Variants in NAALADL2 observed in about 807,000 individuals in gnomAD.
NAALADL2 encodes the protein inactive N-acetylated-alpha-linked acidic dipeptidase-like protein 2.
NAALADL2 carries 76 observed loss-of-function variants against 87.2 expected under a neutral mutation model. The ratio of observed to expected loss-of-function variants is 0.87; its 90% CI spans 0.72 to 1.05. The LOEUF is 1.05. Ranked by LOEUF, NAALADL2 falls within the 50% of genes least tolerant of loss-of-function variation. The pLI is 0.00. For missense variants in NAALADL2, 1,089 were observed against 945.8 expected, an observed-to-expected ratio of 1.15 and a Z score of -1.99; for synonymous variants, 354 against 331.0, an observed-to-expected ratio of 1.07 and a Z score of -0.75.
At chr3:175,151,576 T>TG (rs1731546379) in intron 2 of NAALADL2, among the ~76,000 whole-genome samples, 1 of 151,952 alleles carries the variant, frequency 6.6e-6, no homozygotes, top group African/African-American at 2.4e-5. Flanking sequence ...AGACTCTCTG[T>TG]GGGCCAGGAG....
At chr3:174,464,047 G>A (rs1223174050) in intron 1 of NAALADL2, among the ~76,000 whole-genome samples, 1 of 152,118 alleles carries the variant, frequency 6.6e-6, no homozygotes, top group Non-Finnish European at 1.5e-5. Context: ...AACTTAGGAA[G>A]CTGATAAACA....
chr3:174,668,980 C>A (rs1371089047), intron 2 of NAALADL2, among the ~76,000 whole-genome samples: 3 of 152,164 alleles, frequency 2.0e-5, no homozygotes, highest in Non-Finnish European at 4.4e-5. Context: ...TTCTAGATCC[C>A]TGAGGAATTG....
At chr3:175,392,152 C>T (rs1363462232) in intron 5 of NAALADL2, among the ~76,000 whole-genome samples, 7 of 152,206 alleles carry the variant, frequency 4.6e-5, no homozygotes, top group Admixed American at 2.6e-4. Flanking sequence ...TTCTGCTTCT[C>T]TGTGAATTGA....
chr3:174,781,720 A>G (rs1473627976), intron 3 of NAALADL2, among the ~76,000 whole-genome samples: 1 of 152,012 alleles, frequency 6.6e-6, no homozygotes, highest in African/African-American at 2.4e-5. Flanking sequence ...AGTTGATGAT[A>G]CAAATGTTTC....
intron 3 of NAALADL2, among the ~76,000 whole-genome samples, chr3:174,806,086 G>A (rs1916233): frequency 0.11 from 17,084 of 152,210 alleles, 1,257 homozygotes; most frequent in Non-Finnish European, 0.15. Flanking sequence ...CTTCTTGGAT[G>A]ATGAATTAGT....
intron 2 of NAALADL2, among the ~76,000 whole-genome samples, chr3:175,207,985 C>T (rs1322567412): frequency 6.6e-6 from 1 of 152,040 alleles, no homozygotes; most frequent in African/African-American, 2.4e-5. Flanking sequence ...GGCATAAAAG[C>T]TCTTATTGGA....
rs139497753 is a variant in NAALADL2 at position 174,679,640 on chromosome 3, C to T, written c.-114-58001C>T. ...AGTTTTTACTCAGGCCCACTGTGCT[C>T]GTTCCACCCACTCAGCTGGAAGGCA... On this transcript the variant is annotated intron_variant, in intron 2 of 3. Transcript: ENST00000434257. 1.9e-3 allele frequency among the ~76,000 whole-genome samples: 288 copies of T among 152,192 alleles called. 2 individuals carry two copies. The highest frequency in any genetic ancestry group is 6.5e-3 in the African/African-American group (270 of 41,546).
At chr3:175,074,640 G>T (rs906498987) in intron 1 of NAALADL2, among the ~76,000 whole-genome samples, 2 of 152,022 alleles carry the variant, frequency 1.3e-5, no homozygotes, top group African/African-American at 4.8e-5. Flanking sequence ...GGTGGATAAT[G>T]ATACTATAGG....
intron 2 of NAALADL2, among the ~76,000 whole-genome samples, chr3:175,210,397 C>T: frequency 6.6e-6 from 1 of 151,688 alleles, no homozygotes; most frequent in East Asian, 1.9e-4. Flanking sequence ...TAGAAAAGCA[C>T]ATACACTTTG....
At chr3:175,551,411 A>G (rs1294788013) in intron 9 of NAALADL2, among the ~76,000 whole-genome samples, 1 of 152,142 alleles carries the variant, frequency 6.6e-6, no homozygotes, top group Non-Finnish European at 1.5e-5. Context: ...TCTCTTACTC[A>G]TGTCAATTGG....
At chr3:175,053,034 G>C (rs1237432855) in intron 1 of NAALADL2, among the ~76,000 whole-genome samples, 1 of 152,150 alleles carries the variant, frequency 6.6e-6, no homozygotes, top group Non-Finnish European at 1.5e-5. Flanking sequence ...ACCTCTGCCT[G>C]TTCTGCAATG....
chr3:175,781,729 A>ACTT (rs1553771832), intron 13 of NAALADL2, among the ~76,000 whole-genome samples: 1 of 150,596 alleles, frequency 6.6e-6, no homozygotes, highest in Non-Finnish European at 1.5e-5. Context: ...TTTTTATTAT[A>ACTT]CTTTAAGTTT....
intron 1 of NAALADL2, chr3:175,059,562 G>C: frequency 3.3e-6 from 1 of 302,490 alleles, no homozygotes. Context: ...CATTCCTCTA[G>C]TTTTGCCATA....
In NAALADL2 at chr3:174,666,423, A is replaced by G. The variant is rs150815119; in HGVS notation, c.-114-71218A>G. Among the ~76,000 whole-genome samples, 278 of 142,682 alleles carry G rather than the reference A, an allele frequency of 1.9e-3. 1 individual carries two copies. The highest frequency in any genetic ancestry group is 6.8e-3 in the African/African-American group (268 of 39,518). The allele number at this position is 142,682 out of a possible 152,430, so 93.6% of individuals were successfully genotyped here. ...TGTCTTCTCTAATTTAAAAATAGCT[A>G]TATCGTAGCATAAAATTTATTATAA... On this transcript the variant is annotated intron_variant, in intron 2 of 3. Coordinates refer to the NAALADL2 transcript ENST00000434257.
chr3:175,375,688 A>G (rs969182502), intron 5 of NAALADL2, among the ~76,000 whole-genome samples: 1 of 152,108 alleles, frequency 6.6e-6, no homozygotes, highest in South Asian at 2.1e-4. Flanking sequence ...TAGATAATAT[A>G]TAGTGAATTC....
At chr3:175,694,796 C>T (rs1443096658) in intron 11 of NAALADL2, among the ~76,000 whole-genome samples, 1 of 152,082 alleles carries the variant, frequency 6.6e-6, no homozygotes, top group African/African-American at 2.4e-5. Context: ...TAAAAGTAAT[C>T]CTCTTCAGTC....
intron 9 of NAALADL2, among the ~76,000 whole-genome samples, chr3:175,484,618 T>C (rs1198096616): frequency 6.6e-6 from 1 of 152,154 alleles, no homozygotes; most frequent in Non-Finnish European, 1.5e-5. Flanking sequence ...CAGTAAAATA[T>C]GTACAGGGAT....
intron 13 of NAALADL2, among the ~76,000 whole-genome samples, chr3:175,783,648 AC>A: frequency 6.6e-6 from 1 of 152,150 alleles, no homozygotes; most frequent in East Asian, 1.9e-4. Flanking sequence ...TTGTCTGCAA[AC>A]AGGGACAATT....
intron 11 of NAALADL2, among the ~76,000 whole-genome samples, chr3:175,629,242 TATATG>T (rs1465503474): frequency 2.7e-5 from 4 of 148,340 alleles, no homozygotes; most frequent in Admixed American, 2.0e-4. Context: ...TTCATAAACA[TATATG>T]ATATATTTCT....
Sources: gnomAD v4.1 joint callset for allele counts (sites outside exome capture counted in the v4.1 genomes callset) on GRCh38, gnomAD v4.1.1 for gene constraint, MANE v1.5 for transcripts, NCBI Gene and HGNC (gene_info 2026-07-23, HGNC 2026-07-21) for gene names.